Variants in TRPC4AP observed in about 807,000 individuals in gnomAD.
TRPC4AP encodes transient receptor potential cation channel subfamily C member 4 associated protein, also known as short transient receptor potential channel 4-associated protein.
In TRPC4AP, 45 loss-of-function variants were observed where a neutral mutation model predicts 99.0. That is an observed-to-expected ratio of 0.45 (90% confidence interval 0.36 to 0.58). The LOEUF is 0.58. TRPC4AP is among the 20% of genes least tolerant of loss of function. The pLI, the probability that TRPC4AP is intolerant of heterozygous loss-of-function variation, is 0.00. For synonymous variants in TRPC4AP, 408 were observed against 385.8 expected, an observed-to-expected ratio of 1.06 and a Z score of -0.67; for missense variants, 879 against 985.3, an observed-to-expected ratio of 0.89 and a Z score of 1.44.
rs569567629 is a variant in TRPC4AP at position 35,057,108 on chromosome 20, TCTGA to T, written c.472+402_472+405del. 3.3e-4 allele frequency among the ~76,000 whole-genome samples: 50 copies of T among 151,786 alleles called. 1 individual carries two copies. In the South Asian group the frequency reaches 0.01, roughly 31 times the overall value. On this transcript the variant is annotated intron_variant, in intron 4 of 18. Coordinates refer to ENST00000252015, the MANE Select transcript of TRPC4AP (RefSeq NM_015638.3). Reference sequence around the variant, plus strand: ...TAAGAAATAGTGCATACCAAAACACTCTGACTTTTTACCATTCACACCCTGGTAA... The same window carrying T: ...TAAGAAATAGTGCATACCAAAACACTCTTTTTACCATTCACACCCTGGTAA...
intron 1 of TRPC4AP, among the ~76,000 whole-genome samples, chr20:35,086,469 GTGTGTGTATGTGTGTGTA>G (rs1264539370): frequency 4.3e-5 from 3 of 69,532 alleles, no homozygotes; most frequent in African/African-American, 1.4e-4. Flanking sequence ...GTGTGTGTGT[GTGTGTGTATGTGTGTGTA>G]TATATATATG....
rs185903345 is a variant in TRPC4AP, at chr20:35,044,246, C to T, written c.865+259G>A. ...TCTCTACAAAAAATACAAAAATTAG[C>T]CCGGTGTGGTGGCACCTGCCTATAG... is the stretch of plus-strand genomic sequence containing the variant. On this transcript the variant is annotated intron_variant, in intron 7 of 18. Transcript: ENST00000252015. 7.9e-5 allele frequency among the ~76,000 whole-genome samples: 12 copies of T among 151,644 alleles called. No homozygotes were observed. The East Asian group carries it at 1.7e-3, about 22-fold the overall frequency.
At chr20:35,041,710 T>A (rs1176128080) in intron 7 of TRPC4AP, among the ~76,000 whole-genome samples, 2 of 152,132 alleles carry the variant, frequency 1.3e-5, no homozygotes, top group Admixed American at 6.5e-5. Context: ...ACTAACAGGA[T>A]CAAAATCATC....
intron 1 of TRPC4AP, among the ~76,000 whole-genome samples, chr20:35,079,023 G>A (rs1028612949): frequency 6.6e-6 from 1 of 152,152 alleles, no homozygotes; most frequent in African/African-American, 2.4e-5. Context: ...CCAAGATCGC[G>A]CCATGGCACC....
At chr20:35,047,838 G>A (rs1021347678) in intron 6 of TRPC4AP, among the ~76,000 whole-genome samples, 1 of 152,162 alleles carries the variant, frequency 6.6e-6, no homozygotes, top group African/African-American at 2.4e-5. Context: ...CCACAAGTGT[G>A]TCCAGGCACA....
At chr20:35,041,347 C>T (rs914761273) in intron 7 of TRPC4AP, among the ~76,000 whole-genome samples, 6 of 152,032 alleles carry the variant, frequency 3.9e-5, no homozygotes, top group South Asian at 2.1e-4. Flanking sequence ...TGGAGAAAAT[C>T]GTGCGGGTAA....
At chr20:35,024,843 A>G (rs34261821) in intron 8 of TRPC4AP, among the ~76,000 whole-genome samples, 1 of 104,826 alleles carries the variant, frequency 9.5e-6, no homozygotes, top group Non-Finnish European at 2.1e-5. Context: ...AAAAAAAAAA[A>G]AAAAAAAAAA....
chr20:35,010,141 G>T lies in TRPC4AP; in HGVS notation c.1511+46C>A, dbSNP rs2082600363. 1.9e-6 allele frequency: 3 copies of T among 1,562,290 alleles called. No individual in the cohort carries two copies. The East Asian group carries it at 6.7e-5, about 35-fold the overall frequency. ...TCACCGGTGAGCCCCCGGGGAACGT[G>T]GGCAGCCGGGATGGGCTGAGGGAAA... On this transcript the variant is annotated intron_variant, in intron 12 of 18. Transcript: ENST00000252015.
chr20:35,063,158 T>G (rs1166343104), intron 3 of TRPC4AP, among the ~76,000 whole-genome samples: 3 of 152,226 alleles, frequency 2.0e-5, no homozygotes, highest in Non-Finnish European at 4.4e-5. Context: ...GCATTTCCCC[T>G]GCTTGCACTC....
At chr20:35,083,313 C>T (rs1600665335) in intron 1 of TRPC4AP, among the ~76,000 whole-genome samples, 2 of 151,932 alleles carry the variant, frequency 1.3e-5, no homozygotes, top group East Asian at 1.9e-4. Context: ...CTGTAACACA[C>T]TCTTGGCTGG....
chr20:35,085,009 A>C (rs2084798532), intron 1 of TRPC4AP, among the ~76,000 whole-genome samples: 1 of 152,222 alleles, frequency 6.6e-6, no homozygotes, highest in Admixed American at 6.5e-5. Flanking sequence ...ATTAAATCCT[A>C]GTCTTTCAAG....
intron 8 of TRPC4AP, among the ~76,000 whole-genome samples, chr20:35,026,744 T>C (rs1365907199): frequency 6.6e-6 from 1 of 152,204 alleles, no homozygotes; most frequent in African/African-American, 2.4e-5. Flanking sequence ...TTAATTTCTT[T>C]CAATGATGTT....
chr20:35,082,039 C>A (rs866785491), intron 1 of TRPC4AP, among the ~76,000 whole-genome samples: 16 of 152,172 alleles, frequency 1.1e-4, no homozygotes, highest in African/African-American at 3.6e-4. Context: ...CAGAGATAGG[C>A]ACTTTAATAA....
At chr20:35,009,013 AGAG>A (rs1212368546) in intron 12 of TRPC4AP, among the ~76,000 whole-genome samples, 1 of 152,212 alleles carries the variant, frequency 6.6e-6, no homozygotes, top group African/African-American at 2.4e-5. Context: ...TAGAACTGCC[AGAG>A]GAGAGCTGTT....
Position 35,021,279 on chromosome 20 carries a change from G to T in TRPC4AP, c.1129C>A (p.Gln377Lys). ...PHTSARTQLPQSMKIMHEIMY... is the reference protein window; with the variant it reads ...PHTSARTQLPKSMKIMHEIMY... Reference sequence around the variant, plus strand: ...ATCTCATGCATAATCTTCATTGACTGGGGCAGCTGGGTTCTGGCTGACGTG... The same window carrying T: ...ATCTCATGCATAATCTTCATTGACTTGGGCAGCTGGGTTCTGGCTGACGTG... The change falls in exon 9 of 19, where the codon CAG becomes AAG. Residue 377 changes from glutamine to lysine, a missense_variant. Coordinates refer to ENST00000252015, the MANE Select transcript of TRPC4AP (RefSeq NM_015638.3). The T allele has an allele frequency of 6.2e-7, 1 of 1,614,124 alleles. No individual in the cohort carries two copies.
At chr20:35,049,794 A>G in intron 6 of TRPC4AP, 72 bp downstream of exon 6, 2 of 1,503,750 alleles carry the variant, frequency 1.3e-6, no homozygotes, top group Non-Finnish European at 1.8e-6. Context: ...AGCTCTGTAT[A>G]TTATTCAGTT....
intron 1 of TRPC4AP, among the ~76,000 whole-genome samples, chr20:35,091,682 C>T (rs1454809362): frequency 1.3e-5 from 2 of 152,020 alleles, no homozygotes; most frequent in East Asian, 3.9e-4. Context: ...CCTGGTTTAC[C>T]CTAAAGCAGT....
chr20:35,003,136 TGGCCCA>T lies in TRPC4AP; in HGVS notation c.*4_*9del. ...ACTGGCCCAGCAGCCTCCCGAGGCCTGGCCCAAGGTCACTCCTCAGTGAAGTCCCTG... is the reference window on the plus strand; with the variant it reads ...ACTGGCCCAGCAGCCTCCCGAGGCCTAGGTCACTCCTCAGTGAAGTCCCTG... On this transcript the variant is annotated 3_prime_UTR_variant, in exon 19 of 19. Transcript: ENST00000252015. The T allele has an allele frequency of 1.2e-6, 2 of 1,613,950 alleles. No homozygotes were observed. The highest frequency in any genetic ancestry group is 1.7e-6 in the Non-Finnish European group (2 of 1,179,904).
intron 7 of TRPC4AP, among the ~76,000 whole-genome samples, chr20:35,041,642 T>C (rs1250610638): frequency 3.3e-5 from 5 of 152,206 alleles, no homozygotes; most frequent in Admixed American, 2.6e-4. Flanking sequence ...TCAAGAATAA[T>C]GGGTAATGCT....
Sources: gnomAD v4.1 joint callset for allele counts (sites outside exome capture counted in the v4.1 genomes callset) on GRCh38, gnomAD v4.1.1 for gene constraint, MANE v1.5 for transcripts, NCBI Gene and HGNC (gene_info 2026-07-23, HGNC 2026-07-21) for gene names.